The following CD151 variants were observed in gnomAD, a reference collection of about 807,000 sequenced individuals.
CD151 encodes CD151 molecule (Raph blood group), also known as CD151 antigen.
A neutral mutation model predicts 34.2 loss-of-function variants in CD151; 20 were observed. The observed-to-expected ratio is 0.58, with a 90% CI of 0.41 to 0.85. The LOEUF is 0.85. CD151 is among the 40% of genes least tolerant of loss of function. The probability of loss-of-function intolerance (pLI) is 0.00; values close to 1 mark genes in which losing one functional copy is unlikely to be tolerated. For missense variants in CD151, 306 were observed against 324.5 expected (o/e 0.94, Z 0.44); for synonymous variants, 157 against 131.7 (o/e 1.19, Z -1.32).
intron 7 of CD151, 105 bp from the exon 8 acceptor site, chr11:837,837 T>G: frequency 1.1e-6 from 1 of 936,594 alleles, no homozygotes; most frequent in Non-Finnish European, 1.6e-6. Flanking sequence ...CCTGGCTGCC[T>G]AGGTGCTAGG....
intron 7 of CD151, 74 bp from the exon 8 acceptor site, chr11:837,868 G>A: frequency 8.2e-7 from 1 of 1,226,114 alleles, no homozygotes; most frequent in Non-Finnish European, 1.2e-6. Context: ...GCCACACCCT[G>A]GAGGCTGGAG....
At chr11:838,068 A>G in intron 8 of CD151, 40 bp downstream of exon 8, 5 of 1,608,816 alleles carry the variant, frequency 3.1e-6, no homozygotes, top group Non-Finnish European at 4.3e-6. Context: ...TGTTGGGGAC[A>G]CGGGGCAGGG....
intron 7 of CD151, among the ~76,000 whole-genome samples, 156 bp downstream of exon 7, chr11:837,774 A>AT (rs1206135451): frequency 2.0e-5 from 3 of 152,148 alleles, no homozygotes; most frequent in Non-Finnish European, 4.4e-5. Context: ...CACACCTCCA[A>AT]TATCTACGAG....
chr11:837,262 C>T lies in CD151; in HGVS notation c.364C>T (p.Leu122Phe). 3 of 1,612,884 alleles carry T rather than the reference C, an allele frequency of 1.9e-6. No individual in the cohort carries two copies. The South Asian group carries it at 3.3e-5, about 18-fold the overall frequency. ...YAYYQQLNTELKENLKDTMTK... is the reference protein window; with the variant it reads ...YAYYQQLNTEFKENLKDTMTK... Reference sequence around the variant, plus strand: ...ACCCCAACCCCAGCTGAACACGGAGCTCAAGGAGAACCTGAAGGACACCAT... The same window carrying T: ...ACCCCAACCCCAGCTGAACACGGAGTTCAAGGAGAACCTGAAGGACACCAT... The change falls in exon 6 of 9, where the codon CTC becomes TTC. Residue 122 changes from leucine to phenylalanine, a missense_variant. Transcript: ENST00000397420.
At position 837,946 on chromosome 11, in the gene CD151, GCTGCATCAC is replaced by G. The variant is rs1846841530; in HGVS notation, c.622_630del (p.Cys208_Thr210del). On this transcript the variant is annotated inframe_deletion, in exon 8 of 9. Transcript: ENST00000397420. ...ACACCCATCCGCGCCCCGCAGGGCG[GCTGCATCAC>G]CAAGTTGGAGACCTTCATCCAGGAG... 1 of 1,611,818 alleles carries G rather than the reference GCTGCATCAC, an allele frequency of 6.2e-7. No homozygotes were observed. Among genetic ancestry groups the G allele is most frequent in the Non-Finnish European group, 8.5e-7 (1 of 1,179,254 alleles).
In CD151 at chr11:836,822, C is replaced by T. The variant is rs200736365; in HGVS notation, c.330C>T (p.Leu110=). ...IFLLEIIAGI[L]AYAYYQQLNT... The stretch of plus-strand genomic sequence containing the variant: ...TGCTGGAGATCATCGCTGGTATCCT[C>T]GCCTACGCCTACTACCAGCAGGTGA... The change falls in exon 5 of 9, where the codon CTC becomes CTT. Residue 110 remains leucine, a synonymous_variant. Transcript: ENST00000397420. The T allele has an allele frequency of 3.0e-5, 49 of 1,612,706 alleles. No individual in the cohort carries two copies. The highest frequency in any genetic ancestry group is 2.0e-4 in the African/African-American group (15 of 75,024).
chr11:836,647 G>A lies in CD151; in HGVS notation c.277-122G>A, dbSNP rs1846783033. 17 of 974,496 alleles carry A rather than the reference G, an allele frequency of 1.7e-5. 1 individual carries two copies. In the South Asian group the frequency reaches 2.3e-4, roughly 13 times the overall value. The allele number at this position is 974,496 out of a possible 1,614,324, so 60.4% of individuals were successfully genotyped here. A position where few individuals can be genotyped will look rare whatever the true frequency, so the allele number is the denominator to read the frequency against. On this transcript the variant is annotated intron_variant, in intron 4 of 8. Coordinates refer to ENST00000397420, the MANE Select transcript of CD151 (RefSeq NM_004357.5). Reference sequence around the variant, plus strand: ...AGCTCCGCAAGAAAGCTTCAGGGAGGGTGGCCGCCCCTCAGCCCCCACCTG... The same window carrying A: ...AGCTCCGCAAGAAAGCTTCAGGGAGAGTGGCCGCCCCTCAGCCCCCACCTG...
At chr11:834,979 C>A (rs1231573504) in intron 2 of CD151, 1 of 152,500 alleles carries the variant, frequency 6.6e-6, no homozygotes, top group Non-Finnish European at 1.5e-5. Context: ...TGAGCCCCTA[C>A]CCCTCTGCTG....
chr11:836,134 C>G lies in CD151; in HGVS notation c.65C>G (p.Thr22Ser). 6.2e-7 allele frequency: 1 copy of G among 1,612,616 alleles called. No homozygotes were observed. The highest frequency in any genetic ancestry group is 8.5e-7 in the Non-Finnish European group (1 of 1,179,612). ...GTTTGCCTCAAGTACCTGCTGTTTA[C>G]CTACAATTGCTGCTTCTGGGTGAGG... The part of the protein sequence containing the change: ...GTVCLKYLLF[T>S]YNCCFWLAGL... The change falls in exon 3 of 9, where the codon ACC becomes AGC. Residue 22 changes from threonine (T) to serine (S), a missense_variant. Coordinates refer to ENST00000397420, the MANE Select transcript of CD151 (RefSeq NM_004357.5).
chr11:836,510 C>A, intron 4 of CD151, 68 bp downstream of exon 4: 3 of 1,224,260 alleles, frequency 2.5e-6, no homozygotes, highest in Non-Finnish European at 3.4e-6. Flanking sequence ...TCGCTGCAGG[C>A]TTTGAACCTG....
In CD151 at chr11:837,622, G is replaced by T. The variant is rs746793308; in HGVS notation, c.615+4G>T. 6.2e-7 allele frequency: 1 copy of T among 1,611,002 alleles called. No individual in the cohort carries two copies. The highest frequency in any genetic ancestry group is 1.1e-5 in the South Asian group (1 of 91,000). On this transcript the variant is annotated splice_donor_region_variant and intron_variant, in intron 7 of 8. Transcript: ENST00000397420. ...CTCCAACATCTACAAGGTGGAGGTG[G>T]GTGTGCAGCGGGATCATGCCTCCAG...
chr11:836,194 C>G, intron 3 of CD151, 41 bp downstream of exon 3: 1 of 1,568,772 alleles, frequency 6.4e-7, no homozygotes, highest in Non-Finnish European at 8.8e-7. Flanking sequence ...ACCCCCACCC[C>G]TCCCGGGCCA....
chr11:836,465 G>A (rs1163709030), intron 4 of CD151, 23 bp downstream of exon 4: 1 of 1,565,148 alleles, frequency 6.4e-7, no homozygotes, highest in Non-Finnish European at 8.7e-7. Context: ...CAGGGCCACG[G>A]GGTGGGGGTG....
intron 5 of CD151, 83 bp downstream of exon 5, chr11:836,926 C>T: frequency 8.5e-7 from 1 of 1,182,006 alleles, no homozygotes; most frequent in South Asian, 1.3e-5. Context: ...CGTGGCTAGC[C>T]CCAACCCCCA....
Position 837,292 on chromosome 11 carries a change from A to C in CD151, c.394A>C (p.Lys132Gln). The C allele has an allele frequency of 6.2e-7, 1 of 1,613,070 alleles. No homozygotes were observed. The highest frequency in any genetic ancestry group is 1.1e-5 in the South Asian group (1 of 91,078). The change falls in exon 6 of 9, where the codon AAG becomes CAG. Residue 132 changes from lysine to glutamine, a missense_variant. Transcript: ENST00000397420. ...GGAGAACCTGAAGGACACCATGACC[A>C]AGCGCTACCACCAGCCGGGCCATGA... ...LKENLKDTMTKRYHQPGHEAV... is the reference protein window; with the variant it reads ...LKENLKDTMTQRYHQPGHEAV...
intron 1 of CD151, among the ~76,000 whole-genome samples, chr11:833,309 GGCCTGACGGCCCCCTTCA>G (rs1846605343): frequency 6.6e-6 from 1 of 152,176 alleles, no homozygotes; most frequent in Non-Finnish European, 1.5e-5. Context: ...CCCTTGGACC[GGCCTGACGGCCCCCTTCA>G]GCCCAGGGGT....
In CD151 at chr11:837,265, AAGG is replaced by A. The variant is rs1483868895; in HGVS notation, c.370_372del (p.Glu124del). 1.9e-6 allele frequency: 3 copies of A among 1,611,276 alleles called. No homozygotes were observed. Among genetic ancestry groups the A allele is most frequent in the East Asian group, 4.5e-5 (2 of 44,876 alleles). On this transcript the variant is annotated inframe_deletion, in exon 6 of 9. Coordinates refer to ENST00000397420, the MANE Select transcript of CD151 (RefSeq NM_004357.5). ...CCAACCCCAGCTGAACACGGAGCTCAAGGAGAACCTGAAGGACACCATGACCAA... is the reference window on the plus strand; with the variant it reads ...CCAACCCCAGCTGAACACGGAGCTCAAGAACCTGAAGGACACCATGACCAA...
At chr11:836,693 G>T (rs1394150369) in intron 4 of CD151, 76 bp from the exon 5 acceptor site, 1 of 1,425,174 alleles carries the variant, frequency 7.0e-7, no homozygotes, top group Admixed American at 1.7e-5. Context: ...AGCCGGGGTG[G>T]GGACTCTGCT....
chr11:837,568 G>T lies in CD151; in HGVS notation c.565G>T (p.Val189Leu). Residue 189 changes from valine (V) to leucine (L), a missense_variant, in exon 7 of 9, where the codon GTG (valine) becomes TTG (leucine). Val to Leu is a conservative substitution (Grantham distance 32). Coordinates refer to ENST00000397420, the MANE Select transcript of CD151 (RefSeq NM_004357.5). The part of the protein sequence containing the change: ...VVPDSCCKTV[V>L]ALCGQRDHAS... ...CCCAGACAGCTGCTGCAAGACGGTG[G>T]TGGCTCTTTGTGGGCAGCGAGACCA... 6.2e-7 allele frequency: 1 copy of T among 1,613,150 alleles called. No individual in the cohort carries two copies. Among genetic ancestry groups the T allele is most frequent in the Non-Finnish European group, 8.5e-7 (1 of 1,179,962 alleles).
Sources: allele counts gnomAD v4.1 joint callset (sites outside exome capture counted in the v4.1 genomes callset), GRCh38; gene constraint gnomAD v4.1.1; transcripts MANE v1.5; gene names NCBI Gene and HGNC (gene_info 2026-07-23, HGNC 2026-07-21).